The following PLXNC1 variants were observed in gnomAD, a reference collection of about 807,000 sequenced individuals.
PLXNC1 encodes the protein plexin-C1.
A neutral mutation model predicts 178.2 loss-of-function variants in PLXNC1; 75 were observed. The ratio of observed to expected loss-of-function variants is 0.42; its 90% CI spans 0.35 to 0.51. The LOEUF (loss-of-function observed/expected upper bound fraction) is 0.51. Among genes scored for constraint, PLXNC1 ranks in the 20% least tolerant of loss-of-function variants. The pLI is 0.02. For missense variants in PLXNC1, 1,503 were observed against 1,984.4 expected, an observed-to-expected ratio of 0.76 and a Z score of 4.61; for synonymous variants, 790 against 779.9, an observed-to-expected ratio of 1.01 and a Z score of -0.22.
intron 2 of PLXNC1, among the ~76,000 whole-genome samples, chr12:94,172,782 A>G (rs575833726): frequency 3.0e-4 from 46 of 152,366 alleles, no homozygotes; most frequent in South Asian, 6.2e-4. Flanking sequence ...TCACTTTTAA[A>G]GTATCTTTAA....
intron 12 of PLXNC1, among the ~76,000 whole-genome samples, chr12:94,246,898 G>A (rs869047): frequency 0.34 from 51,914 of 151,076 alleles, 10,613 homozygotes; most frequent in South Asian, 0.46. Context: ...AGGGGGTGGC[G>A]GGGGTGGGGG....
intron 26 of PLXNC1, among the ~76,000 whole-genome samples, chr12:94,298,214 TTA>T (rs1197904484): frequency 2.0e-5 from 3 of 152,214 alleles, no homozygotes; most frequent in Non-Finnish European, 4.4e-5. Flanking sequence ...CAATAAAACT[TTA>T]TGATAGAAAT....
intron 19 of PLXNC1, among the ~76,000 whole-genome samples, chr12:94,259,945 T>G (rs1964950278): frequency 6.6e-6 from 1 of 152,162 alleles, no homozygotes; most frequent in African/African-American, 2.4e-5. Context: ...GTCCCATATT[T>G]TATTTCCAAA....
intron 12 of PLXNC1, among the ~76,000 whole-genome samples, chr12:94,245,912 G>C (rs191597404): frequency 6.6e-6 from 1 of 152,316 alleles, no homozygotes; most frequent in Admixed American, 6.5e-5. Context: ...CTCTGAGCAG[G>C]AAGTGACATA....
Position 94,250,607 on chromosome 12 carries a change from A to C in PLXNC1, c.2779-819A>C, listed in dbSNP as rs374607787. Among the ~76,000 whole-genome samples, 133 of 152,318 alleles carry C rather than the reference A, an allele frequency of 8.7e-4. 1 individual carries two copies. The South Asian group carries it at 0.026, about 30-fold the overall frequency. On this transcript the variant is annotated intron_variant, in intron 14 of 30. Coordinates refer to ENST00000258526, the MANE Select transcript of PLXNC1 (RefSeq NM_005761.3). ...AGTGAAATAATTAAGCTTCATGTAG[A>C]GTTTTTCCCTTGACAAGTTTCACAA...
At chr12:94,291,047 T>A (rs1264068177) in intron 23 of PLXNC1, among the ~76,000 whole-genome samples, 1 of 152,198 alleles carries the variant, frequency 6.6e-6, no homozygotes, top group Non-Finnish European at 1.5e-5. Context: ...ACTTCCTTGC[T>A]TGGGGATTTG....
chr12:94,291,882 G>C, intron 23 of PLXNC1, among the ~76,000 whole-genome samples: 1 of 152,132 alleles, frequency 6.6e-6, no homozygotes, highest in Admixed American at 6.6e-5. Context: ...TACCCAACAG[G>C]AACTTTTTCA....
chr12:94,266,236 G>C (rs1032741545), intron 21 of PLXNC1, among the ~76,000 whole-genome samples: 7 of 152,214 alleles, frequency 4.6e-5, no homozygotes, highest in Admixed American at 4.6e-4. Context: ...TCTGGTGGGA[G>C]AATAGTCCGT....
intron 11 of PLXNC1, among the ~76,000 whole-genome samples, chr12:94,243,671 A>G (rs140908792): frequency 1.1e-3 from 161 of 152,330 alleles, no homozygotes; most frequent in African/African-American, 3.7e-3. Context: ...TTCAAATTCC[A>G]TCAAAGAATC....
rs183163284 is a variant in PLXNC1 at position 94,212,758 on chromosome 12, C to T, written c.1554+3054C>T. On this transcript the variant is annotated intron_variant, in intron 5 of 30. Transcript: ENST00000258526. ...TTTTTGAGATGGAGTCTCGCTCTGT[C>T]GCCCAGGCTGGAGTGCAGTGGCACG... Among the ~76,000 whole-genome samples, 914 of 141,664 alleles carry T rather than the reference C, an allele frequency of 6.5e-3. 12 individuals are homozygous for T. Among genetic ancestry groups the T allele is most frequent in the African/African-American group, 0.023 (859 of 38,000 alleles). 92.9% of individuals were successfully genotyped at this position (141,664 alleles called of 152,430 possible). A position where few individuals can be genotyped will look rare whatever the true frequency, so the allele number is the denominator to read the frequency against.
chr12:94,286,408 A>C (rs1298877761), intron 23 of PLXNC1, among the ~76,000 whole-genome samples: 1 of 152,090 alleles, frequency 6.6e-6, no homozygotes, highest in East Asian at 1.9e-4. Flanking sequence ...AGCCACCTAC[A>C]TCTATATTTG....
intron 6 of PLXNC1, among the ~76,000 whole-genome samples, chr12:94,220,979 A>T (rs1963780590): frequency 6.6e-6 from 1 of 152,220 alleles, no homozygotes; most frequent in Non-Finnish European, 1.5e-5. Context: ...CGGAGGGAAG[A>T]TAGATACCAA....
chr12:94,276,472 C>G (rs867095845), intron 21 of PLXNC1, among the ~76,000 whole-genome samples: 1 of 92,492 alleles, frequency 1.1e-5, no homozygotes, highest in African/African-American at 4.5e-5. Flanking sequence ...TAGGTGGAAC[C>G]AGAAGGAGGG....
intron 1 of PLXNC1, among the ~76,000 whole-genome samples, chr12:94,163,209 C>A (rs1276829019): frequency 6.6e-6 from 1 of 152,022 alleles, no homozygotes; most frequent in Non-Finnish European, 1.5e-5. Context: ...ACTAAAAATA[C>A]AATAATTAGC....
chr12:94,196,315 T>C (rs1962911373), intron 4 of PLXNC1, among the ~76,000 whole-genome samples: 1 of 152,162 alleles, frequency 6.6e-6, no homozygotes, highest in African/African-American at 2.4e-5. Flanking sequence ...GGCTTGGTGC[T>C]GTCCTTGGCA....
intron 5 of PLXNC1, 115 bp downstream of exon 5, chr12:94,209,819 C>A: frequency 7.6e-6 from 5 of 657,808 alleles, no homozygotes; most frequent in Middle Eastern, 4.3e-4. Context: ...TTAGTGATAG[C>A]ACTCCATTCA....
intron 1 of PLXNC1, among the ~76,000 whole-genome samples, chr12:94,165,465 A>C (rs1392743719): frequency 6.6e-6 from 1 of 152,086 alleles, no homozygotes; most frequent in Non-Finnish European, 1.5e-5. Context: ...GTTTTCTTCC[A>C]GGCTCGCTGT....
At chr12:94,177,175 ACGTATATATATG>A (rs1953354216) in intron 2 of PLXNC1, among the ~76,000 whole-genome samples, 10 of 46,238 alleles carry the variant, frequency 2.2e-4, no homozygotes, top group South Asian at 1.1e-3. Flanking sequence ...ATATATATAT[ACGTATATATATG>A]TATATATATA....
chr12:94,255,122 GACAAA>G (rs1271940510), intron 16 of PLXNC1, 66 bp from the exon 17 acceptor site: 12 of 1,228,952 alleles, frequency 9.8e-6, no homozygotes, highest in Non-Finnish European at 1.4e-5. Context: ...CTCTGTGTTA[GACAAA>G]ACAGCAGAAG....
Sources: gnomAD v4.1 joint callset for allele counts (sites outside exome capture counted in the v4.1 genomes callset) on GRCh38, gnomAD v4.1.1 for gene constraint, MANE v1.5 for transcripts, NCBI Gene and HGNC (gene_info 2026-07-23, HGNC 2026-07-21) for gene names.